BCAT1: variants seen among roughly 807,000 people sequenced by gnomAD.
The protein encoded by BCAT1 is branched-chain-amino-acid aminotransferase, cytosolic.
BCAT1 carries 48 observed loss-of-function variants against 52.4 expected under a neutral mutation model. The observed-to-expected ratio is 0.92, with a 90% CI of 0.73 to 1.16. The LOEUF (loss-of-function observed/expected upper bound fraction) is 1.16. BCAT1 is among the 50% of genes most tolerant of loss of function. BCAT1 has a pLI of 0.00. For synonymous variants in BCAT1, 167 were observed against 161.3 expected, an observed-to-expected ratio of 1.04 and a Z score of -0.27; for missense variants, 451 against 457.1, an observed-to-expected ratio of 0.99 and a Z score of 0.12.
intron 5 of BCAT1, among the ~76,000 whole-genome samples, chr12:24,855,018 G>A (rs1358335291): frequency 6.6e-6 from 1 of 152,166 alleles, no homozygotes; most frequent in East Asian, 1.9e-4. Context: ...GGAACAGCTT[G>A]AGTTCCTTCA....
At position 24,844,894 on chromosome 12, in the gene BCAT1, C is replaced by CAAA. The variant is rs11318750; in HGVS notation, c.675-2673_675-2671dup. On this transcript the variant is annotated intron_variant, in intron 6 of 10. Coordinates refer to ENST00000261192, the MANE Select transcript of BCAT1 (RefSeq NM_005504.7). ...TCTGAGCGACAGAGTGAGACTGTCT[C>CAAA]AAAAAAAAAAAAAAAAAAAAAAAGA... 7.5e-4 allele frequency among the ~76,000 whole-genome samples: 27 copies of CAAA among 35,990 alleles called. 1 individual carries two copies. Among genetic ancestry groups the CAAA allele is most frequent in the African/African-American group, 1.3e-3 (13 of 9,660 alleles). 23.6% of individuals were successfully genotyped at this position (35,990 alleles called of 152,430 possible).
intron 7 of BCAT1, among the ~76,000 whole-genome samples, chr12:24,837,135 G>GGGCA: frequency 1.8e-5 from 1 of 56,474 alleles, no homozygotes; most frequent in Non-Finnish European, 4.9e-5. Context: ...GAAGGGGGGA[G>GGGCA]GGAAGGAAGG....
chr12:24,852,562 A>T (rs1054124712), intron 5 of BCAT1, among the ~76,000 whole-genome samples: 15 of 152,220 alleles, frequency 9.9e-5, no homozygotes, highest in African/African-American at 3.6e-4. Context: ...CCCCTGGTTC[A>T]TTTTCTTCTC....
intron 1 of BCAT1, among the ~76,000 whole-genome samples, chr12:24,946,710 T>C (rs1351584017): frequency 6.6e-6 from 1 of 152,224 alleles, no homozygotes; most frequent in East Asian, 1.9e-4. Context: ...CTCAGATCGC[T>C]CTGCGCTATT....
intron 3 of BCAT1, among the ~76,000 whole-genome samples, chr12:24,887,565 A>T (rs1942718226): frequency 2.0e-5 from 3 of 152,256 alleles, no homozygotes; most frequent in Non-Finnish European, 4.4e-5. Flanking sequence ...AATGGTTACC[A>T]GTAGAAAGAT....
At position 24,814,249 on chromosome 12, in the gene BCAT1, G is replaced by A. The variant is rs1417288985; in HGVS notation, c.*3759C>T. ...ATTTTAGAGTCAAGACATGAAATAA[G>A]GGATTTCTCTAACCCTTAACTCTTC... is the stretch of plus-strand genomic sequence containing the variant. On this transcript the variant is annotated 3_prime_UTR_variant, in exon 11 of 11. Coordinates refer to ENST00000261192, the MANE Select transcript of BCAT1 (RefSeq NM_005504.7). 1.3e-5 allele frequency: 2 copies of A among 152,022 alleles called. No individual in the cohort carries two copies. The highest frequency in any genetic ancestry group is 4.8e-5 in the African/African-American group (2 of 41,412). 9.4% of individuals were successfully genotyped at this position (152,022 alleles called of 1,614,324 possible). A position where few individuals can be genotyped will look rare whatever the true frequency, so the allele number is the denominator to read the frequency against.
intron 3 of BCAT1, among the ~76,000 whole-genome samples, chr12:24,887,431 C>T (rs753815310): frequency 6.6e-6 from 1 of 152,128 alleles, no homozygotes; most frequent in Non-Finnish European, 1.5e-5. Flanking sequence ...CACACATGCA[C>T]ACAAACACAA....
intron 1 of BCAT1, among the ~76,000 whole-genome samples, chr12:24,906,546 A>T (rs1476506302): frequency 3.9e-5 from 6 of 152,324 alleles, no homozygotes; most frequent in South Asian, 2.1e-4. Flanking sequence ...GCAACACTTC[A>T]TGTTTGTCAA....
chr12:24,813,323 T>A lies in BCAT1; in HGVS notation c.*4685A>T, dbSNP rs1939752394. ...GGGGTTTGTGGTAATGATAAAAAAT[T>A]TATCTCTTTCCACACATTTAAGACC... On this transcript the variant is annotated 3_prime_UTR_variant, in exon 11 of 11. Coordinates refer to ENST00000261192, the MANE Select transcript of BCAT1 (RefSeq NM_005504.7). 6.6e-6 allele frequency: 1 copy of A among 152,032 alleles called. No individual in the cohort carries two copies. Among genetic ancestry groups the A allele is most frequent in the Non-Finnish European group, 1.5e-5 (1 of 67,902 alleles). The allele number at this position is 152,032 out of a possible 1,614,324, so 9.4% of individuals were successfully genotyped here.
chr12:24,905,572 A>C (rs1943211771), intron 1 of BCAT1, among the ~76,000 whole-genome samples: 1 of 152,202 alleles, frequency 6.6e-6, no homozygotes, highest in Non-Finnish European at 1.5e-5. Context: ...GCTCTAAATA[A>C]TTCAGTTTTC....
chr12:24,836,967 A>AAAC (rs1940989200), intron 7 of BCAT1, among the ~76,000 whole-genome samples: 1 of 142,038 alleles, frequency 7.0e-6, no homozygotes, highest in African/African-American at 2.6e-5. Context: ...AAGAGAAAGA[A>AAAC]AGAAAGAGAG....
intron 10 of BCAT1, among the ~76,000 whole-genome samples, chr12:24,828,989 A>T (rs1940525105): frequency 1.3e-5 from 2 of 152,108 alleles, no homozygotes; most frequent in South Asian, 4.1e-4. Context: ...CCTGGGTGAC[A>T]CAGCGAGACT....
chr12:24,831,004 G>A (rs573866967), intron 9 of BCAT1, among the ~76,000 whole-genome samples: 88 of 152,218 alleles, frequency 5.8e-4, no homozygotes, highest in African/African-American at 2.0e-3. Context: ...TTGCATTTAC[G>A]GTTGACACTT....
chr12:24,911,583 T>C (rs1943327446), intron 1 of BCAT1, among the ~76,000 whole-genome samples: 2 of 152,226 alleles, frequency 1.3e-5, no homozygotes, highest in African/African-American at 4.8e-5. Flanking sequence ...GTGGAGTCTG[T>C]TGCATATCTC....
chr12:24,931,346 T>C (rs1004691398), intron 1 of BCAT1, among the ~76,000 whole-genome samples: 4 of 152,002 alleles, frequency 2.6e-5, no homozygotes, highest in African/African-American at 9.7e-5. Flanking sequence ...AAAAATTAAA[T>C]TAGAAGATCA....
At chr12:24,872,896 T>C (rs1267397532) in intron 5 of BCAT1, among the ~76,000 whole-genome samples, 4 of 152,252 alleles carry the variant, frequency 2.6e-5, no homozygotes, top group South Asian at 4.1e-4. Flanking sequence ...GACTGACATA[T>C]GCCTAAAAAG....
intron 1 of BCAT1, chr12:24,903,060 G>A (rs1009116096): frequency 2.9e-6 from 4 of 1,393,548 alleles, no homozygotes; most frequent in African/African-American, 3.0e-5. Flanking sequence ...AGCGAAAGCA[G>A]GCGGTGTGGC....
chr12:24,859,167 T>A (rs574532190), intron 5 of BCAT1, among the ~76,000 whole-genome samples: 51 of 152,368 alleles, frequency 3.3e-4, no homozygotes, highest in African/African-American at 1.2e-3. Context: ...TTGACATTCA[T>A]TAATGCAAAG....
At position 24,817,141 on chromosome 12, in the gene BCAT1, A is replaced by T. The variant is rs982413273; in HGVS notation, c.*867T>A. On this transcript the variant is annotated 3_prime_UTR_variant, in exon 11 of 11. Coordinates refer to ENST00000261192, the MANE Select transcript of BCAT1 (RefSeq NM_005504.7). ...AGTATCTCTAATGACTTAGTAGCTC[A>T]TGGAAAATAAAGACAATATAAGGTA... 1 of 152,318 alleles carries T rather than the reference A, an allele frequency of 6.6e-6. No individual in the cohort carries two copies. The highest frequency in any genetic ancestry group is 1.5e-5 in the Non-Finnish European group (1 of 68,086). The allele number at this position is 152,318 out of a possible 1,614,324, so 9.4% of individuals were successfully genotyped here. A position where few individuals can be genotyped will look rare whatever the true frequency, so the allele number is the denominator to read the frequency against.
Sources: allele counts gnomAD v4.1 joint callset (sites outside exome capture counted in the v4.1 genomes callset), GRCh38; gene constraint gnomAD v4.1.1; transcripts MANE v1.5; gene names NCBI Gene and HGNC (gene_info 2026-07-23, HGNC 2026-07-21).